Variants in NPAS3 observed in about 807,000 individuals in gnomAD.
NPAS3 encodes the protein neuronal PAS domain protein 3, also known as neuronal PAS domain-containing protein 3.
NPAS3 carries 14 observed loss-of-function variants against 73.1 expected under a neutral mutation model. The ratio of observed to expected loss-of-function variants is 0.19; its 90% CI spans 0.13 to 0.30. NPAS3 has a LOEUF of 0.30. Ranked by LOEUF, NPAS3 falls within the 10% of genes least tolerant of loss-of-function variation. The probability of loss-of-function intolerance (pLI) is 1.00; values close to 1 mark genes in which losing one functional copy is unlikely to be tolerated. For synonymous variants in NPAS3, 620 were observed against 541.5 expected, an observed-to-expected ratio of 1.14 and a Z score of -2.01; for missense variants, 1,096 against 1,250.0, an observed-to-expected ratio of 0.88 and a Z score of 1.86.
At chr14:33,362,788 G>A (rs1210945432) in intron 3 of NPAS3, among the ~76,000 whole-genome samples, 1 of 152,082 alleles carries the variant, frequency 6.6e-6, no homozygotes, top group African/African-American at 2.4e-5. Context: ...ACCTTATGGG[G>A]GAGGATAAGG....
intron 6 of NPAS3, among the ~76,000 whole-genome samples, chr14:33,710,265 C>T (rs183632761): frequency 6.6e-6 from 1 of 152,214 alleles, no homozygotes; most frequent in Non-Finnish European, 1.5e-5. Context: ...ATCCGCAGTT[C>T]CCATATTTTA....
intron 9 of NPAS3, among the ~76,000 whole-genome samples, chr14:33,788,038 G>T (rs2063231279): frequency 6.6e-6 from 1 of 152,210 alleles, no homozygotes; most frequent in African/African-American, 2.4e-5. Context: ...GGCCTTAGGT[G>T]GAGAAGCAGA....
intron 4 of NPAS3, among the ~76,000 whole-genome samples, chr14:33,400,529 G>A (rs2138740842): frequency 6.6e-6 from 1 of 152,238 alleles, no homozygotes; most frequent in East Asian, 1.9e-4. Flanking sequence ...TAGAGGTATA[G>A]TCTTGCTGTG....
At chr14:33,668,928 G>T (rs143845182) in intron 5 of NPAS3, among the ~76,000 whole-genome samples, 14 of 152,128 alleles carry the variant, frequency 9.2e-5, no homozygotes, top group African/African-American at 2.9e-4. Context: ...GACAAAATTC[G>T]CTATGAAAAC....
At chr14:33,200,356 A>C (rs1274890618) in intron 2 of NPAS3, among the ~76,000 whole-genome samples, 1 of 152,124 alleles carries the variant, frequency 6.6e-6, no homozygotes, top group African/African-American at 2.4e-5. Flanking sequence ...TATAAAACAG[A>C]AAAGTAAAAG....
At chr14:33,383,675 G>A (rs1424997093) in intron 4 of NPAS3, among the ~76,000 whole-genome samples, 1 of 152,178 alleles carries the variant, frequency 6.6e-6, no homozygotes, top group African/African-American at 2.4e-5. Context: ...CCCTTTGAAA[G>A]AGAGGACAAT....
intron 4 of NPAS3, among the ~76,000 whole-genome samples, chr14:33,515,217 C>T (rs1352131239): frequency 6.6e-6 from 1 of 152,120 alleles, no homozygotes; most frequent in Non-Finnish European, 1.5e-5. Flanking sequence ...GGGATACCTA[C>T]AATTCCCAGC....
chr14:33,377,308 G>A (rs902252402), intron 4 of NPAS3, among the ~76,000 whole-genome samples: 4 of 152,150 alleles, frequency 2.6e-5, no homozygotes, highest in Non-Finnish European at 5.9e-5. Flanking sequence ...ACTAAAGTGT[G>A]ACATGCCATT....
chr14:32,948,350 G>A (rs912749431), intron 1 of NPAS3, among the ~76,000 whole-genome samples: 1 of 151,976 alleles, frequency 6.6e-6, no homozygotes, highest in Non-Finnish European at 1.5e-5. Flanking sequence ...AGAAATGGTT[G>A]GTTTAATCCT....
intron 3 of NPAS3, among the ~76,000 whole-genome samples, chr14:33,354,397 G>C (rs972640725): frequency 1.3e-5 from 2 of 152,128 alleles, no homozygotes; most frequent in Admixed American, 6.6e-5. Context: ...CTAGGACATG[G>C]CTGCCGCTTT....
intron 1 of NPAS3, among the ~76,000 whole-genome samples, chr14:32,997,015 A>G (rs1166331731): frequency 1.3e-5 from 2 of 152,196 alleles, no homozygotes; most frequent in Non-Finnish European, 2.9e-5. Context: ...CTGCAAAGCA[A>G]CAGGGGTGGA....
chr14:33,408,578 A>G (rs948522136), intron 4 of NPAS3, among the ~76,000 whole-genome samples: 2 of 152,176 alleles, frequency 1.3e-5, no homozygotes, highest in Non-Finnish European at 2.9e-5. Context: ...AATTTCAATT[A>G]TCTTATTAAA....
At chr14:33,154,135 T>C (rs2044562084) in intron 2 of NPAS3, among the ~76,000 whole-genome samples, 1 of 152,184 alleles carries the variant, frequency 6.6e-6, no homozygotes, top group Non-Finnish European at 1.5e-5. Context: ...TACTATGTCC[T>C]AATTTGGATT....
chr14:33,032,312 T>C (rs1249150902), intron 1 of NPAS3, among the ~76,000 whole-genome samples: 1 of 152,200 alleles, frequency 6.6e-6, no homozygotes, highest in Non-Finnish European at 1.5e-5. Flanking sequence ...AATTTATCAG[T>C]GGTGCATAGG....
intron 3 of NPAS3, among the ~76,000 whole-genome samples, chr14:33,225,124 T>C (rs1371003911): frequency 6.6e-6 from 1 of 152,178 alleles, no homozygotes. Context: ...TCATGGCTGA[T>C]TGTATTAGGA....
intron 2 of NPAS3, among the ~76,000 whole-genome samples, chr14:33,132,548 C>A (rs1387045145): frequency 6.6e-6 from 1 of 151,988 alleles, no homozygotes; most frequent in African/African-American, 2.4e-5. Context: ...CATCAAGAGG[C>A]ACCAAGTGCT....
At chr14:33,385,381 A>C (rs931446381) in intron 4 of NPAS3, among the ~76,000 whole-genome samples, 1 of 152,300 alleles carries the variant, frequency 6.6e-6, no homozygotes, top group African/African-American at 2.4e-5. Context: ...AACTTAGTGT[A>C]TATAAATGCA....
At chr14:33,575,823 A>G (rs755492699) in intron 5 of NPAS3, among the ~76,000 whole-genome samples, 28 of 152,228 alleles carry the variant, frequency 1.8e-4, no homozygotes, top group Non-Finnish European at 3.1e-4. Context: ...AAAGTAGATA[A>G]TATAGAACAT....
intron 4 of NPAS3, among the ~76,000 whole-genome samples, chr14:33,552,715 G>A (rs763304985): frequency 6.6e-5 from 10 of 151,804 alleles, no homozygotes; most frequent in Non-Finnish European, 1.0e-4. Flanking sequence ...TGGTACCCGC[G>A]TGTGAGTGAA....
Sources: allele counts gnomAD v4.1 joint callset (sites outside exome capture counted in the v4.1 genomes callset), GRCh38; gene constraint gnomAD v4.1.1; transcripts MANE v1.5; gene names NCBI Gene and HGNC (gene_info 2026-07-23, HGNC 2026-07-21).